The following MRE11 variants were observed in gnomAD, a reference collection of about 807,000 sequenced individuals.
The protein encoded by MRE11 is MRE11 double strand break repair nuclease, also known as double-strand break repair protein MRE11.
Under a neutral mutation model 91.7 loss-of-function variants are expected in MRE11, and 62 were observed. That is an observed-to-expected ratio of 0.68 (90% CI 0.55 to 0.84). The LOEUF is 0.84. MRE11 is among the 40% of genes least tolerant of loss of function. The pLI, the probability that MRE11 is intolerant of heterozygous loss-of-function variation, is 0.00. For synonymous variants in MRE11, 273 were observed against 271.4 expected (o/e 1.01, Z -0.06); for missense variants, 796 against 852.9 (o/e 0.93, Z 0.83).
chr11:94,439,416 A>C (rs1945714813), intron 16 of MRE11, among the ~76,000 whole-genome samples: 1 of 152,218 alleles, frequency 6.6e-6, no homozygotes, highest in Non-Finnish European at 1.5e-5. Flanking sequence ...TATCAAATCA[A>C]TTAGATAAAA....
At chr11:94,461,095 C>T (rs1946403041) in intron 11 of MRE11, 59 bp from the exon 12 acceptor site, 3 of 1,412,722 alleles carry the variant, frequency 2.1e-6, no homozygotes, top group Non-Finnish European at 2.0e-6. Flanking sequence ...AATGTGCATA[C>T]TCATTGCAAG....
upstream of MRE11, chr11:94,496,906 A>G (rs770291857): frequency 6.2e-7 from 1 of 1,613,914 alleles, no homozygotes; most frequent in Non-Finnish European, 8.5e-7. Context: ...AAAAAATGGA[A>G]AAAGACCCAA....
chr11:94,506,002 C>T, the MRE11 span, among the ~76,000 whole-genome samples: 40 of 152,184 alleles, frequency 2.6e-4, no homozygotes, highest in African/African-American at 9.2e-4. Context: ...GTAGGCTGTG[C>T]CACCTAGCCA....
intron 14 of MRE11, among the ~76,000 whole-genome samples, chr11:94,454,573 A>G (rs1404394467): frequency 6.6e-6 from 1 of 152,118 alleles, no homozygotes. Context: ...AAAATATATA[A>G]TATCTTATGA....
At chr11:94,423,163 C>G (rs1313122153) in intron 19 of MRE11, among the ~76,000 whole-genome samples, 1 of 152,082 alleles carries the variant, frequency 6.6e-6, no homozygotes, top group Non-Finnish European at 1.5e-5. Context: ...GCACCAAGAG[C>G]TGATAGAGAG....
At chr11:94,489,171 A>G (rs1947220840) in intron 3 of MRE11, among the ~76,000 whole-genome samples, 1 of 152,084 alleles carries the variant, frequency 6.6e-6, no homozygotes, top group East Asian at 1.9e-4. Context: ...AAAGCAGAGT[A>G]ATGTGATAAA....
intron 11 of MRE11, among the ~76,000 whole-genome samples, chr11:94,461,359 A>T (rs1442076239): frequency 2.0e-5 from 3 of 152,188 alleles, no homozygotes; most frequent in Non-Finnish European, 2.9e-5. Flanking sequence ...CTAAGATGTT[A>T]TTTGCCATTT....
intron 18 of MRE11, among the ~76,000 whole-genome samples, chr11:94,432,613 C>G (rs1945491874): frequency 6.6e-6 from 1 of 152,220 alleles, no homozygotes; most frequent in Non-Finnish European, 1.5e-5. Flanking sequence ...CCAGACCATC[C>G]TGGCTAACAC....
chr11:94,417,698 TC>T lies in MRE11; in HGVS notation c.*2426del. On this transcript the variant is annotated 3_prime_UTR_variant, in exon 20 of 20. Transcript: ENST00000323929. ...GCTATTTCTTGACCTGTAGAGGGAT[TC>T]CATCAGTGCTCAATTTATAATTATT... 4.3e-6 allele frequency: 1 copy of T among 233,066 alleles called. No homozygotes were observed. The allele number at this position is 233,066 out of a possible 1,614,324, so 14.4% of individuals were successfully genotyped here. A position where few individuals can be genotyped will look rare whatever the true frequency, so the allele number is the denominator to read the frequency against.
rs71036324 is a variant in MRE11 at position 94,443,918 on chromosome 11, ATTTT to A, written c.1867+1888_1867+1891del. Among the ~76,000 whole-genome samples the A allele has an allele frequency of 1.0e-4, 14 of 135,162 alleles. 1 individual carries two copies. The highest frequency in any genetic ancestry group is 7.9e-5 in the Non-Finnish European group (5 of 62,894). The allele number at this position is 135,162 out of a possible 152,430, so 88.7% of individuals were successfully genotyped here. A position where few individuals can be genotyped will look rare whatever the true frequency, so the allele number is the denominator to read the frequency against. ...CCTAAATCCTAAGTTCCTTCAACCA[ATTTT>A]TTTTTTTTTTTTTTTTTGGAGACGC... On this transcript the variant is annotated intron_variant, in intron 16 of 19. Coordinates refer to ENST00000323929, the MANE Select transcript of MRE11 (RefSeq NM_005591.4).
the MRE11 span, among the ~76,000 whole-genome samples, chr11:94,504,007 T>C: frequency 6.6e-6 from 1 of 152,154 alleles, no homozygotes; most frequent in Non-Finnish European, 1.5e-5. Context: ...CTTAAACAAA[T>C]GGTGCTGGAA....
At position 94,471,769 on chromosome 11, in the gene MRE11, G is replaced by C. The variant is rs1365337694; in HGVS notation, c.660-10C>G. On this transcript the variant is annotated splice_polypyrimidine_tract_variant and intron_variant, in intron 7 of 19. Transcript: ENST00000323929. ...ACTTCCATGTTTACTCCTGTATCAA[G>C]ATTTTGAAAAATATAAATTCGGTGA... 6 of 1,603,564 alleles carry C rather than the reference G, an allele frequency of 3.7e-6. No individual in the cohort carries two copies. The highest frequency in any genetic ancestry group is 5.1e-6 in the Non-Finnish European group (6 of 1,172,792).
rs1000792942 is a variant in MRE11 at position 94,493,316 on chromosome 11, AT to A, written c.-105-411del. On this transcript the variant is annotated intron_variant, in intron 1 of 19. Coordinates refer to ENST00000323929, the MANE Select transcript of MRE11 (RefSeq NM_005591.4). ...CTGTATTTCCTATTCAAACCCCACGATTTTTTTTAAAGGACCTGGCTAGTTT... is the reference window on the plus strand; with the variant it reads ...CTGTATTTCCTATTCAAACCCCACGATTTTTTTAAAGGACCTGGCTAGTTT... 9.3e-4 allele frequency among the ~76,000 whole-genome samples: 141 copies of A among 152,066 alleles called. 1 individual carries two copies. The highest frequency in any genetic ancestry group is 1.6e-3 in the Non-Finnish European group (111 of 67,962).
At chr11:94,505,539 T>C in the MRE11 span, among the ~76,000 whole-genome samples, 1 of 152,236 alleles carries the variant, frequency 6.6e-6, no homozygotes. Context: ...GGTGTTTGCA[T>C]TTTAAACTAA....
At chr11:94,463,004 T>C (rs1434208158) in intron 11 of MRE11, among the ~76,000 whole-genome samples, 11 of 152,132 alleles carry the variant, frequency 7.2e-5, no homozygotes, top group Admixed American at 7.2e-4. Context: ...ACCTACAGAA[T>C]GGGAGAACAT....
At chr11:94,458,677 T>C (rs1037503171) in intron 13 of MRE11, among the ~76,000 whole-genome samples, 2 of 152,148 alleles carry the variant, frequency 1.3e-5, no homozygotes, top group East Asian at 3.9e-4. Context: ...TCAAACGTAA[T>C]ACTACTACCA....
intron 3 of MRE11, among the ~76,000 whole-genome samples, chr11:94,488,051 G>A (rs1046561074): frequency 6.6e-6 from 1 of 152,190 alleles, no homozygotes; most frequent in South Asian, 2.1e-4. Context: ...CTGGGGTTAT[G>A]GGGGGTGGAA....
At chr11:94,432,518 C>T (rs1322561094) in intron 18 of MRE11, among the ~76,000 whole-genome samples, 1 of 152,142 alleles carries the variant, frequency 6.6e-6, no homozygotes, top group African/African-American at 2.4e-5. Flanking sequence ...ATTTCAAACC[C>T]CTTATCTGGG....
chr11:94,463,281 A>T (rs1284400926), intron 11 of MRE11, among the ~76,000 whole-genome samples: 1 of 152,184 alleles, frequency 6.6e-6, no homozygotes, highest in Non-Finnish European at 1.5e-5. Context: ...TCAGGAAACA[A>T]CAGGTGCTGG....
Sources: allele counts gnomAD v4.1 joint callset (sites outside exome capture counted in the v4.1 genomes callset), GRCh38; gene constraint gnomAD v4.1.1; transcripts MANE v1.5; gene names NCBI Gene and HGNC (gene_info 2026-07-23, HGNC 2026-07-21).